DPP10: variants seen among roughly 807,000 people sequenced by gnomAD.
DPP10 encodes the protein inactive dipeptidyl peptidase 10.
Under a neutral mutation model 120.9 loss-of-function variants are expected in DPP10, and 33 were observed. The ratio of observed to expected loss-of-function variants is 0.27; its 90% CI spans 0.21 to 0.37. The LOEUF is 0.37. Ranked by LOEUF, DPP10 falls within the 10% of genes least tolerant of loss-of-function variation. DPP10 has a pLI of 1.00. For missense variants in DPP10, 816 were observed against 942.8 expected (o/e 0.87, Z 1.76); for synonymous variants, 337 against 326.1 (o/e 1.03, Z -0.36).
intron 1 of DPP10, among the ~76,000 whole-genome samples, chr2:115,300,602 A>C (rs2061082549): frequency 6.6e-6 from 1 of 152,186 alleles, no homozygotes; most frequent in African/African-American, 2.4e-5. Flanking sequence ...ATATAACCAG[A>C]AGTGGAATTA....
intron 5 of DPP10, among the ~76,000 whole-genome samples, chr2:115,623,597 T>C (rs2085139247): frequency 6.6e-6 from 1 of 152,116 alleles, no homozygotes; most frequent in African/African-American, 2.4e-5. Context: ...TTAACAGAGC[T>C]TACAATTTAT....
intron 13 of DPP10, among the ~76,000 whole-genome samples, chr2:115,774,738 GA>G (rs1236545147): frequency 1.3e-5 from 2 of 152,114 alleles, no homozygotes; most frequent in Admixed American, 1.3e-4. Context: ...GGGAGATATT[GA>G]AATGCAAATA....
chr2:115,424,517 A>T (rs904933643), intron 3 of DPP10, among the ~76,000 whole-genome samples: 1 of 152,088 alleles, frequency 6.6e-6, no homozygotes, highest in East Asian at 1.9e-4. Context: ...TTAAAAAAAT[A>T]AAGAGAAACT....
chr2:114,707,386 C>T (rs531824132), intron 1 of DPP10, among the ~76,000 whole-genome samples: 1 of 152,278 alleles, frequency 6.6e-6, no homozygotes, highest in Non-Finnish European at 1.5e-5. Context: ...AATTATTAGA[C>T]AGCTAATATT....
At chr2:115,711,431 C>G (rs1194404446) in intron 7 of DPP10, among the ~76,000 whole-genome samples, 1 of 152,046 alleles carries the variant, frequency 6.6e-6, no homozygotes, top group Non-Finnish European at 1.5e-5. Context: ...AATTGAGAGT[C>G]ATTCTGGATT....
At chr2:114,642,969 A>G (rs548626864) in intron 1 of DPP10, among the ~76,000 whole-genome samples, 1 of 152,016 alleles carries the variant, frequency 6.6e-6, no homozygotes, top group South Asian at 2.1e-4. Context: ...GGACACCCAC[A>G]TGGGGGTTAT....
chr2:115,373,885 AAG>A (rs3039945), intron 3 of DPP10, among the ~76,000 whole-genome samples: 103,222 of 146,448 alleles, frequency 0.7, 36,386 homozygotes, highest in Admixed American at 0.77. Context: ...AGCCAAGCAG[AAG>A]AGAGAGAGAG....
At chr2:115,042,774 T>C (rs1413514049) in intron 1 of DPP10, among the ~76,000 whole-genome samples, 1 of 152,216 alleles carries the variant, frequency 6.6e-6, no homozygotes, top group Non-Finnish European at 1.5e-5. Flanking sequence ...TGCTATAATC[T>C]ATTGTATAGT....
chr2:114,751,059 G>T (rs1318589421), intron 1 of DPP10, among the ~76,000 whole-genome samples: 1 of 152,188 alleles, frequency 6.6e-6, no homozygotes, highest in Non-Finnish European at 1.5e-5. Context: ...AACAATGGAA[G>T]ATGTCTGCTT....
At position 114,900,813 on chromosome 2, in the gene DPP10, T is replaced by C. The variant is rs1328085756; in HGVS notation, c.61-408426T>C. 3.3e-5 allele frequency among the ~76,000 whole-genome samples: 5 copies of C among 152,340 alleles called. No individual in the cohort carries two copies. The East Asian group carries it at 9.6e-4, about 29-fold the overall frequency. On this transcript the variant is annotated intron_variant, in intron 1 of 25. Coordinates refer to ENST00000410059, the MANE Select transcript of DPP10 (RefSeq NM_020868.6). ...CCCCAAAATACTATCTATGTAATCTTCTTTAAACTTTGCAGCTAAATAGCT... is the reference window on the plus strand; with the variant it reads ...CCCCAAAATACTATCTATGTAATCTCCTTTAAACTTTGCAGCTAAATAGCT...
chr2:114,476,479 C>A (rs1680379465), intron 1 of DPP10, among the ~76,000 whole-genome samples: 1 of 152,130 alleles, frequency 6.6e-6, no homozygotes, highest in African/African-American at 2.4e-5. Context: ...GTACATTGGA[C>A]ACCAATGAAG....
intron 1 of DPP10, among the ~76,000 whole-genome samples, chr2:115,017,937 G>A (rs1027615112): frequency 1.3e-5 from 2 of 151,714 alleles, no homozygotes; most frequent in African/African-American, 4.8e-5. Flanking sequence ...CACCAACATG[G>A]CACATGTATA....
At chr2:115,008,758 A>G (rs1211910692) in intron 1 of DPP10, among the ~76,000 whole-genome samples, 1 of 78,622 alleles carries the variant, frequency 1.3e-5, no homozygotes, top group Non-Finnish European at 2.8e-5. Context: ...CCCATCAAAA[A>G]GTGGGCGAAG....
At chr2:115,273,526 T>C (rs1001637532) in intron 1 of DPP10, among the ~76,000 whole-genome samples, 1 of 152,012 alleles carries the variant, frequency 6.6e-6, no homozygotes, top group African/African-American at 2.4e-5. Flanking sequence ...TTAGTAGAGA[T>C]GGGTTTTCAC....
intron 2 of DPP10, among the ~76,000 whole-genome samples, chr2:115,324,775 T>C (rs1195757036): frequency 1.3e-5 from 2 of 152,202 alleles, no homozygotes; most frequent in African/African-American, 4.8e-5. Context: ...ACCTAAGCTT[T>C]TGATGTGCCT....
chr2:115,760,101 C>T (rs1044295098), intron 11 of DPP10, among the ~76,000 whole-genome samples: 3 of 151,936 alleles, frequency 2.0e-5, no homozygotes, highest in African/African-American at 7.3e-5. Context: ...CATGTGTTCA[C>T]CAAAGGATTT....
chr2:114,661,476 G>A (rs1697398925), intron 1 of DPP10, among the ~76,000 whole-genome samples: 1 of 152,186 alleles, frequency 6.6e-6, no homozygotes, highest in African/African-American at 2.4e-5. Flanking sequence ...GTAGTGGGAT[G>A]GCAGAATTAT....
intron 1 of DPP10, among the ~76,000 whole-genome samples, chr2:115,087,172 T>C (rs1708779782): frequency 6.6e-6 from 1 of 152,176 alleles, no homozygotes; most frequent in Non-Finnish European, 1.5e-5. Flanking sequence ...GCAGTTTTGA[T>C]CCATAATGGT....
chr2:114,822,369 C>T (rs551149179), intron 1 of DPP10, among the ~76,000 whole-genome samples: 2 of 152,260 alleles, frequency 1.3e-5, no homozygotes, highest in South Asian at 2.1e-4. Flanking sequence ...CCCTAGGCTG[C>T]ACACAGCAGG....
Sources: allele counts gnomAD v4.1 joint callset (sites outside exome capture counted in the v4.1 genomes callset), GRCh38; gene constraint gnomAD v4.1.1; transcripts MANE v1.5; gene names NCBI Gene and HGNC (gene_info 2026-07-23, HGNC 2026-07-21).